CCDC178: variants seen among roughly 807,000 people sequenced by gnomAD.
The protein encoded by CCDC178 is coiled-coil domain containing 178.
A neutral mutation model predicts 117.4 loss-of-function variants in CCDC178; 126 were observed. The ratio of observed to expected loss-of-function variants is 1.07; its 90% CI spans 0.93 to 1.24. The LOEUF is 1.24. Ranked by LOEUF, CCDC178 falls within the 50% of genes most tolerant of loss-of-function variation. CCDC178 has a pLI of 0.00. For synonymous variants in CCDC178, 283 were observed against 313.4 expected (o/e 0.90, Z 1.02); for missense variants, 1,030 against 986.9 (o/e 1.04, Z -0.59).
At chr18:33,080,041 A>G (rs1567975452) in intron 21 of CCDC178, among the ~76,000 whole-genome samples, 1 of 151,998 alleles carries the variant, frequency 6.6e-6, no homozygotes, top group East Asian at 1.9e-4. Context: ...CCCATCAAGG[A>G]CAGATTGGAT....
At chr18:33,117,503 T>C (rs762827038) in intron 20 of CCDC178, among the ~76,000 whole-genome samples, 5 of 151,918 alleles carry the variant, frequency 3.3e-5, no homozygotes, top group African/African-American at 7.2e-5. Flanking sequence ...TGGTTGCAGG[T>C]TGATTACACT....
intron 20 of CCDC178, among the ~76,000 whole-genome samples, chr18:33,112,096 C>A (rs2057791184): frequency 6.6e-6 from 1 of 151,736 alleles, no homozygotes; most frequent in Non-Finnish European, 1.5e-5. Flanking sequence ...CTTTCATAAA[C>A]TCATGACTGA....
chr18:33,332,291 G>C (rs2062679927), intron 10 of CCDC178, among the ~76,000 whole-genome samples: 1 of 152,060 alleles, frequency 6.6e-6, no homozygotes, highest in Non-Finnish European at 1.5e-5. Context: ...TGGAACTGTT[G>C]AGGGGAACAC....
intron 21 of CCDC178, among the ~76,000 whole-genome samples, chr18:33,030,706 A>G (rs974161310): frequency 3.3e-5 from 5 of 152,120 alleles, no homozygotes; most frequent in African/African-American, 7.2e-5. Flanking sequence ...TGAGAGAGAG[A>G]ATTTAATGGG....
chr18:33,436,582 C>A lies in CCDC178; in HGVS notation c.-23+3380G>T, dbSNP rs533089660. Among the ~76,000 whole-genome samples, 16 of 152,242 alleles carry A rather than the reference C, an allele frequency of 1.1e-4. No homozygotes were observed. In the South Asian group the frequency reaches 3.3e-3, roughly 32 times the overall value. The stretch of plus-strand genomic sequence containing the variant: ...GCAGTTTATCTCCAGAGCTACTGAC[C>A]CTTGGCCAATGCTGTAAAATGTATT... On this transcript the variant is annotated intron_variant, in intron 2 of 22. Transcript: ENST00000383096.
chr18:33,072,040 A>G (rs1039656765), intron 21 of CCDC178, among the ~76,000 whole-genome samples: 6 of 152,110 alleles, frequency 3.9e-5, no homozygotes, highest in Non-Finnish European at 8.8e-5. Context: ...ATTCTTAAAA[A>G]GAGTATGATA....
intron 6 of CCDC178, among the ~76,000 whole-genome samples, chr18:33,361,028 G>C (rs757695386): frequency 4.6e-5 from 7 of 151,248 alleles, no homozygotes; most frequent in Non-Finnish European, 8.9e-5. Context: ...AACACCAAAA[G>C]TCCCAACAAT....
At chr18:33,334,863 A>G (rs979326173) in intron 9 of CCDC178, among the ~76,000 whole-genome samples, 3 of 152,040 alleles carry the variant, frequency 2.0e-5, no homozygotes, top group Non-Finnish European at 4.4e-5. Context: ...TGACTATATG[A>G]ATATTTTGAT....
chr18:33,197,836 G>A (rs2058949684), intron 20 of CCDC178, among the ~76,000 whole-genome samples: 1 of 152,088 alleles, frequency 6.6e-6, no homozygotes, highest in South Asian at 2.1e-4. Context: ...TTTCCATAAA[G>A]TGTGTTTCAC....
At chr18:33,350,683 T>C (rs768719365) in intron 7 of CCDC178, among the ~76,000 whole-genome samples, 1 of 152,212 alleles carries the variant, frequency 6.6e-6, no homozygotes, top group Non-Finnish European at 1.5e-5. Context: ...ATTGATGGAT[T>C]TGGGGATTGT....
intron 20 of CCDC178, among the ~76,000 whole-genome samples, chr18:33,119,300 G>A (rs2057903357): frequency 6.6e-6 from 1 of 152,054 alleles, no homozygotes; most frequent in Non-Finnish European, 1.5e-5. Context: ...CTGACAAAGG[G>A]CTAATATCCA....
chr18:33,114,990 C>G (rs1412960820), intron 20 of CCDC178, among the ~76,000 whole-genome samples: 1 of 151,958 alleles, frequency 6.6e-6, no homozygotes, highest in East Asian at 1.9e-4. Flanking sequence ...TGGGGTTGAG[C>G]CAGGTAGATT....
chr18:33,280,171 C>T lies in CCDC178; in HGVS notation c.1177-12874G>A, dbSNP rs185715013. On this transcript the variant is annotated intron_variant, in intron 12 of 22. Transcript: ENST00000383096. ...ACCATCAGAGTGCACAGGCAACCTA[C>T]AAAATGGGAGAAAATTTTCGCAACC... 7.3e-3 allele frequency among the ~76,000 whole-genome samples: 1,104 copies of T among 152,010 alleles called. 9 individuals are homozygous for T. Among genetic ancestry groups the T allele is most frequent in the African/African-American group, 0.025 (1,054 of 41,368 alleles).
chr18:33,379,152 T>TATATATATTTCCATATATATAAC (rs1568187798), intron 5 of CCDC178, among the ~76,000 whole-genome samples: 7 of 137,024 alleles, frequency 5.1e-5, no homozygotes, highest in African/African-American at 1.7e-4. Context: ...ATATATATAA[T>TATATATATTTCCATATATATAAC]ATATATATTT....
intron 20 of CCDC178, among the ~76,000 whole-genome samples, chr18:33,211,233 C>T (rs1382712507): frequency 6.6e-6 from 1 of 151,606 alleles, no homozygotes; most frequent in Non-Finnish European, 1.5e-5. Context: ...TTTGTATCTT[C>T]CAAAAATGAG....
chr18:32,981,915 A>G (rs2144716958), intron 21 of CCDC178, among the ~76,000 whole-genome samples: 1 of 152,314 alleles, frequency 6.6e-6, no homozygotes, highest in East Asian at 1.9e-4. Flanking sequence ...GCCATATGTA[A>G]AATATTTTCA....
At chr18:33,271,127 G>T (rs142196251) in intron 12 of CCDC178, among the ~76,000 whole-genome samples, 3 of 151,470 alleles carry the variant, frequency 2.0e-5, no homozygotes, top group Admixed American at 6.6e-5. Context: ...CAAATCAATT[G>T]CAAAGTAATT....
intron 21 of CCDC178, among the ~76,000 whole-genome samples, chr18:33,090,380 CA>C (rs2057445512): frequency 6.6e-6 from 1 of 152,008 alleles, no homozygotes; most frequent in Non-Finnish European, 1.5e-5. Context: ...AAAAGATGCA[CA>C]AAATTCCTAA....
rs1198685075 is a variant in CCDC178 at position 32,937,915 on chromosome 18, A to C, written c.*96T>G. On this transcript the variant is annotated 3_prime_UTR_variant, in exon 23 of 23. Transcript: ENST00000383096. ...GAGTTTTTCGTTCATGGAAGTGTGAAATGGCAAACAGGTGAATGTCCAATT... is the reference window on the plus strand; with the variant it reads ...GAGTTTTTCGTTCATGGAAGTGTGACATGGCAAACAGGTGAATGTCCAATT... The C allele has an allele frequency of 5.2e-6, 5 of 952,978 alleles. No homozygotes were observed. The highest frequency in any genetic ancestry group is 8.3e-6 in the Non-Finnish European group (5 of 599,096). 59.0% of individuals were successfully genotyped at this position (952,978 alleles called of 1,614,324 possible).
Sources: gnomAD v4.1 joint callset for allele counts (sites outside exome capture counted in the v4.1 genomes callset) on GRCh38, gnomAD v4.1.1 for gene constraint, MANE v1.5 for transcripts, NCBI Gene and HGNC (gene_info 2026-07-23, HGNC 2026-07-21) for gene names.